Variants in ADRA1B observed in about 807,000 individuals in gnomAD.
ADRA1B encodes alpha-1B adrenergic receptor.
ADRA1B carries 17 observed loss-of-function variants against 17.9 expected under a neutral mutation model. The observed-to-expected ratio is 0.95, with a 90% CI of 0.65 to 1.42. ADRA1B has a LOEUF of 1.42. Among genes scored for constraint, ADRA1B ranks in the 40% most tolerant of loss-of-function variants. The probability of loss-of-function intolerance (pLI) is 0.00; values close to 1 mark genes in which losing one functional copy is unlikely to be tolerated. For missense variants in ADRA1B, 681 were observed against 722.1 expected (o/e 0.94, Z 0.65); for synonymous variants, 366 against 327.6 (o/e 1.12, Z -1.27).
upstream of ADRA1B, among the ~76,000 whole-genome samples, chr5:159,912,219 T>A (rs1453485348): frequency 6.6e-6 from 1 of 152,132 alleles, no homozygotes. Flanking sequence ...ATTTCACAGG[T>A]GAGGAAACTG....
chr5:159,920,375 C>G (rs1417249624), intron 1 of ADRA1B, among the ~76,000 whole-genome samples: 1 of 152,156 alleles, frequency 6.6e-6, no homozygotes, highest in Non-Finnish European at 1.5e-5. Context: ...CACATTACCC[C>G]CATCGTCTCT....
At chr5:159,954,919 A>C (rs762140418) in intron 1 of ADRA1B, among the ~76,000 whole-genome samples, 6 of 152,104 alleles carry the variant, frequency 3.9e-5, no homozygotes, top group Non-Finnish European at 7.4e-5. Flanking sequence ...TTGTACTGCT[A>C]CCTGGAAGGT....
At chr5:159,968,795 G>A (rs147531199) in intron 1 of ADRA1B, among the ~76,000 whole-genome samples, 1 of 152,140 alleles carries the variant, frequency 6.6e-6, no homozygotes, top group Non-Finnish European at 1.5e-5. Context: ...GCCCCGGCTG[G>A]TCTCAAAATC....
At chr5:159,952,489 T>C (rs1755463885) in intron 1 of ADRA1B, among the ~76,000 whole-genome samples, 1 of 152,226 alleles carries the variant, frequency 6.6e-6, no homozygotes, top group African/African-American at 2.4e-5. Flanking sequence ...ACTACTGTCC[T>C]TGGCTTCCTA....
chr5:159,904,814 A>G lies in ADRA1B; in HGVS notation c.-255-11305A>G, dbSNP rs145893856. On this transcript the variant is annotated intron_variant, in intron 1 of 2. Transcript: ENST00000641205. ...ATAAAGAGCCTTGGGAGAAAGAAAT[A>G]CTTTTAATTCATCCTTGTATGAACT... 5.2e-3 allele frequency among the ~76,000 whole-genome samples: 791 copies of G among 152,348 alleles called. 7 individuals are homozygous for G. Among genetic ancestry groups the G allele is most frequent in the African/African-American group, 0.018 (754 of 41,574 alleles).
chr5:159,897,293 C>T (rs1013776935), intron 1 of ADRA1B, among the ~76,000 whole-genome samples: 8 of 152,232 alleles, frequency 5.3e-5, no homozygotes, highest in African/African-American at 1.9e-4. Context: ...CAAGACCAGC[C>T]TGACCAATAT....
chr5:159,948,267 C>T (rs1755330793), intron 1 of ADRA1B: 4 of 985,452 alleles, frequency 4.1e-6, no homozygotes, highest in Non-Finnish European at 4.8e-6. Context: ...GGTTAAGAAG[C>T]TGGACCTTTT....
At chr5:159,937,711 A>T (rs576883408) in intron 1 of ADRA1B, 1 of 152,214 alleles carries the variant, frequency 6.6e-6, no homozygotes, top group African/African-American at 2.4e-5. Flanking sequence ...GCCTCCCAAA[A>T]TGCTGGGATT....
intron 1 of ADRA1B, among the ~76,000 whole-genome samples, chr5:159,941,591 C>T (rs1755128654): frequency 6.6e-6 from 1 of 152,164 alleles, no homozygotes; most frequent in African/African-American, 2.4e-5. Flanking sequence ...TTCACAGCAG[C>T]ATTATTCATA....
chr5:159,986,878 A>G, the ADRA1B span, among the ~76,000 whole-genome samples: 1 of 152,106 alleles, frequency 6.6e-6, no homozygotes, highest in South Asian at 2.1e-4. Context: ...AACGGCGCCT[A>G]CTGTCTTAAC....
intron 1 of ADRA1B, among the ~76,000 whole-genome samples, chr5:159,910,188 C>T (rs1754214706): frequency 6.6e-6 from 1 of 152,148 alleles, no homozygotes; most frequent in Non-Finnish European, 1.5e-5. Context: ...GCCTGAGCAA[C>T]ACAGACTATA....
intron 1 of ADRA1B, 26 bp from the exon 2 acceptor site, chr5:159,971,853 C>A: frequency 7.7e-7 from 1 of 1,305,868 alleles, no homozygotes; most frequent in Non-Finnish European, 9.8e-7. Flanking sequence ...TCTTTCTGCC[C>A]GTGCCCACCC....
intron 1 of ADRA1B, among the ~76,000 whole-genome samples, chr5:159,882,048 C>T (rs574272005): frequency 3.9e-5 from 6 of 152,128 alleles, no homozygotes; most frequent in Admixed American, 1.3e-4. Flanking sequence ...CATCTGCAAG[C>T]GCTGAACACA....
intron 1 of ADRA1B, among the ~76,000 whole-genome samples, chr5:159,886,717 C>T (rs950865810): frequency 6.6e-6 from 1 of 152,016 alleles, no homozygotes; most frequent in African/African-American, 2.4e-5. Context: ...AATGGGAAAC[C>T]CACTCTTACA....
At chr5:159,973,590 T>C (rs1268953311), downstream of ADRA1B, among the ~76,000 whole-genome samples, 5 of 152,182 alleles carry the variant, frequency 3.3e-5, no homozygotes, top group Non-Finnish European at 7.4e-5. Context: ...GGATAAGATA[T>C]GGATCCTTGG....
At chr5:159,932,153 C>T (rs914519865) in intron 1 of ADRA1B, among the ~76,000 whole-genome samples, 3 of 151,660 alleles carry the variant, frequency 2.0e-5, no homozygotes, top group Admixed American at 1.3e-4. Flanking sequence ...TCCTTTTTTT[C>T]TTTTCTTTTT....
chr5:159,892,450 T>G (rs559013242), intron 1 of ADRA1B, among the ~76,000 whole-genome samples: 1 of 152,208 alleles, frequency 6.6e-6, no homozygotes, highest in Non-Finnish European at 1.5e-5. Flanking sequence ...AAGCCCAGCA[T>G]CCACTAGCTA....
At chr5:159,956,693 A>T (rs893780396) in intron 1 of ADRA1B, among the ~76,000 whole-genome samples, 6 of 152,176 alleles carry the variant, frequency 3.9e-5, no homozygotes, top group Non-Finnish European at 8.8e-5. Context: ...CTGAATGTCA[A>T]ATACTTAGAT....
intron 1 of ADRA1B, among the ~76,000 whole-genome samples, chr5:159,955,472 G>C (rs546764655): frequency 3.7e-4 from 56 of 152,300 alleles, no homozygotes; most frequent in Admixed American, 2.3e-3. Context: ...GAAAGGGACT[G>C]CATGGAGCCT....
Sources: gnomAD v4.1 joint callset for allele counts (sites outside exome capture counted in the v4.1 genomes callset) on GRCh38, gnomAD v4.1.1 for gene constraint, MANE v1.5 for transcripts, NCBI Gene and HGNC (gene_info 2026-07-23, HGNC 2026-07-21) for gene names.